The following FSTL3 variants were observed in gnomAD, a reference collection of about 807,000 sequenced individuals.
FSTL3 encodes follistatin-related protein 3.
FSTL3 carries 21 observed loss-of-function variants against 28.1 expected under a neutral mutation model. The observed-to-expected ratio is 0.75, with a 90% CI of 0.53 to 1.08. The LOEUF (loss-of-function observed/expected upper bound fraction) is 1.08. Among genes scored for constraint, FSTL3 ranks in the 50% least tolerant of loss-of-function variants. FSTL3 has a pLI of 0.00. For missense variants in FSTL3, 400 were observed against 380.9 expected (o/e 1.05, Z -0.42); for synonymous variants, 199 against 164.2 (o/e 1.21, Z -1.62).
In FSTL3 at chr19:682,638, G is replaced by C. The variant is rs2144802636; in HGVS notation, c.*930G>C. ...GGGAAAGGGCACGGCCTGTGCTCCT[G>C]ACACGGGCTGTGCTTGGCCACAGAA... On this transcript the variant is annotated 3_prime_UTR_variant, in exon 5 of 5. Coordinates refer to ENST00000166139, the MANE Select transcript of FSTL3 (RefSeq NM_005860.3). The C allele has an allele frequency of 4.3e-6, 1 of 233,526 alleles. No homozygotes were observed. 14.5% of individuals were successfully genotyped at this position (233,526 alleles called of 1,614,324 possible).
intron 2 of FSTL3, 61 bp from the exon 3 acceptor site, chr19:680,213 C>G: frequency 8.8e-7 from 1 of 1,142,130 alleles, no homozygotes; most frequent in Non-Finnish European, 1.1e-6. Context: ...GAGGCCTTCG[C>G]GCGGCCCCAC....
In FSTL3 at chr19:677,934, C is replaced by A. The variant is rs566357216; in HGVS notation, c.246C>A (p.Asn82Lys). Residue 82 changes from asparagine (N) to lysine (K), a missense_variant, in exon 2 of 5, where the codon AAC (asparagine) becomes AAA (lysine). Transcript: ENST00000166139. ...SNLTHPGNKI[N>K]LLGFLGLVHC... is the part of the protein sequence containing the mutation. Reference sequence around the variant, plus strand: ...TCACCCACCCGGGGAACAAGATCAACCTCCTCGGCTTCTTGGGCCTTGTCC... The same window carrying A: ...TCACCCACCCGGGGAACAAGATCAAACTCCTCGGCTTCTTGGGCCTTGTCC... The A allele has an allele frequency of 6.2e-7, 1 of 1,613,628 alleles. No homozygotes were observed. Among genetic ancestry groups the A allele is most frequent in the Non-Finnish European group, 8.5e-7 (1 of 1,180,006 alleles).
At chr19:678,950 A>C (rs891339113) in intron 2 of FSTL3, among the ~76,000 whole-genome samples, 1 of 152,098 alleles carries the variant, frequency 6.6e-6, no homozygotes, top group Non-Finnish European at 1.5e-5. Flanking sequence ...GGGTGGGGTC[A>C]GGCAGAGGAG....
At chr19:676,904 C>G (rs1333725118) in intron 1 of FSTL3, among the ~76,000 whole-genome samples, 1 of 151,796 alleles carries the variant, frequency 6.6e-6, no homozygotes, top group East Asian at 1.9e-4. Flanking sequence ...GTCCTGGTGC[C>G]GAGAGGTAGT....
intron 2 of FSTL3, among the ~76,000 whole-genome samples, chr19:678,482 C>T (rs1315102645): frequency 6.7e-5 from 10 of 149,458 alleles, no homozygotes; most frequent in South Asian, 4.3e-4. Flanking sequence ...TAAGATTCTC[C>T]GCACTGGAGG....
Position 676,448 on chromosome 19 carries a change from C to T in FSTL3, c.25C>T (p.Leu9Phe), listed in dbSNP as rs1399646563. The stretch of plus-strand genomic sequence containing the variant: ...CATGCGTCCCGGGGCGCCAGGGCCA[C>T]TCTGGCCTCTGCCCTGGGGGGCCCT... MRPGAPGP[L>F]WPLPWGALAW... The change falls in exon 1 of 5, where the codon CTC (leucine) becomes TTC (phenylalanine). Residue 9 changes from leucine (L) to phenylalanine (F), a missense_variant. Coordinates refer to ENST00000166139, the MANE Select transcript of FSTL3 (RefSeq NM_005860.3). 8.2e-7 allele frequency: 1 copy of T among 1,215,718 alleles called. No homozygotes were observed. The highest frequency in any genetic ancestry group is 1.0e-6 in the Non-Finnish European group (1 of 975,430). The allele number at this position is 1,215,718 out of a possible 1,614,324, so 75.3% of individuals were successfully genotyped here.
At position 682,828 on chromosome 19, in the gene FSTL3, C is replaced by T; in HGVS notation, c.*1120C>T. ...CGGGGACCACGGGCCACTGCTCACC[C>T]ACTGGCCCCGAGGGGGGTGTAGACG... On this transcript the variant is annotated 3_prime_UTR_variant, in exon 5 of 5. Coordinates refer to ENST00000166139, the MANE Select transcript of FSTL3 (RefSeq NM_005860.3). 1 of 233,044 alleles carries T rather than the reference C, an allele frequency of 4.3e-6. No homozygotes were observed. Among genetic ancestry groups the T allele is most frequent in the East Asian group, 6.0e-5 (1 of 16,562 alleles). The allele number at this position is 233,044 out of a possible 1,614,324, so 14.4% of individuals were successfully genotyped here.
At chr19:678,505 T>TG (rs1288111952) in intron 2 of FSTL3, among the ~76,000 whole-genome samples, 4 of 109,788 alleles carry the variant, frequency 3.6e-5, no homozygotes, top group Non-Finnish European at 7.5e-5. Flanking sequence ...GATGGTTTTT[T>TG]TTTTTTTTTT....
chr19:682,040 G>T lies in FSTL3; in HGVS notation c.*332G>T. 1 of 458,944 alleles carries T rather than the reference G, an allele frequency of 2.2e-6. No homozygotes were observed. 28.4% of individuals were successfully genotyped at this position (458,944 alleles called of 1,614,324 possible). On this transcript the variant is annotated 3_prime_UTR_variant, in exon 5 of 5. Transcript: ENST00000166139. ...TTTGGGGATAAACCTATTAATTATT[G>T]CTACTATCAAGAGGGCTGGGCATTC... is the stretch of plus-strand genomic sequence containing the variant.
At chr19:681,242 C>G (rs2031326593) in intron 3 of FSTL3, 91 bp from the exon 4 acceptor site, 1 of 906,940 alleles carries the variant, frequency 1.1e-6, no homozygotes, top group Non-Finnish European at 1.6e-6. Flanking sequence ...GTTTTCGCAT[C>G]TTGGGGGTTA....
rs777732142 is a variant in FSTL3 at position 677,919 on chromosome 19, G to A, written c.231G>A (p.Pro77=). 1.2e-5 allele frequency: 20 copies of A among 1,613,510 alleles called. No homozygotes were observed. The Admixed American group carries it at 2.0e-4, about 16-fold the overall frequency. The change falls in exon 2 of 5, where the codon CCG becomes CCA. Residue 77 remains proline (P), a synonymous_variant. Transcript: ENST00000166139. ...CCGCCTGGTCCAACCTCACCCACCC[G>A]GGGAACAAGATCAACCTCCTCGGCT... ...IDTAWSNLTH[P]GNKINLLGFL... is the part of the protein sequence containing the mutation.
chr19:678,464 C>T (rs1038622021), intron 2 of FSTL3, among the ~76,000 whole-genome samples: 10 of 145,792 alleles, frequency 6.9e-5, no homozygotes, highest in South Asian at 2.2e-4. Context: ...TGGCACAGAA[C>T]GAATGAATAA....
In FSTL3 at chr19:682,125, G is replaced by A. The variant is rs1195184158; in HGVS notation, c.*417G>A. ...TTCTCAGCCCCAAGCCTCTAGTCTG[G>A]GTGTGTACGGAGGGTCTAGCCTGGG... is the stretch of plus-strand genomic sequence containing the variant. On this transcript the variant is annotated 3_prime_UTR_variant, in exon 5 of 5. Coordinates refer to ENST00000166139, the MANE Select transcript of FSTL3 (RefSeq NM_005860.3). 2 of 388,132 alleles carry A rather than the reference G, an allele frequency of 5.2e-6. No individual in the cohort carries two copies. Among genetic ancestry groups the A allele is most frequent in the East Asian group, 8.5e-5 (2 of 23,444 alleles). The allele number at this position is 388,132 out of a possible 1,614,324, so 24.0% of individuals were successfully genotyped here. A position where few individuals can be genotyped will look rare whatever the true frequency, so the allele number is the denominator to read the frequency against.
chr19:681,780 G>A lies in FSTL3; in HGVS notation c.*72G>A, dbSNP rs1343986340. ...CCCTGTTATTTATTGCCACAGCAGA[G>A]TCTAATTTATATGCCACGGACACTC... On this transcript the variant is annotated 3_prime_UTR_variant, in exon 5 of 5. Coordinates refer to ENST00000166139, the MANE Select transcript of FSTL3 (RefSeq NM_005860.3). The A allele has an allele frequency of 2.3e-6, 3 of 1,322,892 alleles. No individual in the cohort carries two copies. Among genetic ancestry groups the A allele is most frequent in the South Asian group, 1.3e-5 (1 of 79,372 alleles). 81.9% of individuals were successfully genotyped at this position (1,322,892 alleles called of 1,614,324 possible). A position where few individuals can be genotyped will look rare whatever the true frequency, so the allele number is the denominator to read the frequency against.
Position 681,854 on chromosome 19 carries a change from G to T in FSTL3, c.*146G>T, listed in dbSNP as rs761012383. The T allele has an allele frequency of 4.6e-5, 34 of 742,040 alleles. No individual in the cohort carries two copies. The East Asian group carries it at 8.4e-4, about 18-fold the overall frequency. 46.0% of individuals were successfully genotyped at this position (742,040 alleles called of 1,614,324 possible). On this transcript the variant is annotated 3_prime_UTR_variant, in exon 5 of 5. Transcript: ENST00000166139. ...TTGGGGATCCCAGAACCTCCCTGAC[G>T]ATATCCTGGAAGGACTGAGGAAGGG...
Position 683,276 on chromosome 19 carries a change from T to A in FSTL3, c.*1568T>A. ...CTCCTCCAGCCCCCAGGCAGTGCCT[T>A]ACCTGTGGTGCCCAGAAAAGTGCCC... On this transcript the variant is annotated 3_prime_UTR_variant, in exon 5 of 5. Coordinates refer to ENST00000166139, the MANE Select transcript of FSTL3 (RefSeq NM_005860.3). The A allele has an allele frequency of 4.3e-6, 1 of 231,116 alleles. No homozygotes were observed. The highest frequency in any genetic ancestry group is 1.8e-4 in the South Asian group (1 of 5,516). The allele number at this position is 231,116 out of a possible 1,614,324, so 14.3% of individuals were successfully genotyped here.
chr19:676,625 G>T (rs1436263709), intron 1 of FSTL3, 99 bp downstream of exon 1: 6 of 341,934 alleles, frequency 1.8e-5, no homozygotes, highest in Non-Finnish European at 2.9e-5. Flanking sequence ...CGGCGGCGGC[G>T]GGGGCGAGGG....
In FSTL3 at chr19:680,390, G is replaced by A. The variant is rs1247769675; in HGVS notation, c.406G>A (p.Gly136Ser). ...SGLPARLQVC[G>S]SDGATYRDEC... ...GCTCCCGGCGCGGCTGCAGGTCTGCGGCTCAGACGGCGCCACCTACCGCGA... is the reference window on the plus strand; with the variant it reads ...GCTCCCGGCGCGGCTGCAGGTCTGCAGCTCAGACGGCGCCACCTACCGCGA... The change falls in exon 3 of 5, where the codon GGC becomes AGC. Residue 136 changes from glycine to serine, a missense_variant. Physicochemically the swap from Gly to Ser is moderately conservative, Grantham distance 56. Coordinates refer to ENST00000166139, the MANE Select transcript of FSTL3 (RefSeq NM_005860.3). 3 of 1,277,664 alleles carry A rather than the reference G, an allele frequency of 2.3e-6. No homozygotes were observed. Among genetic ancestry groups the A allele is most frequent in the Middle Eastern group, 3.0e-4 (1 of 3,348 alleles). 79.1% of individuals were successfully genotyped at this position (1,277,664 alleles called of 1,614,324 possible). A position where few individuals can be genotyped will look rare whatever the true frequency, so the allele number is the denominator to read the frequency against.
intron 2 of FSTL3, among the ~76,000 whole-genome samples, chr19:678,512 TTTTTTTTTTTTTTC>T (rs1177877357): frequency 3.4e-4 from 42 of 123,764 alleles, no homozygotes; most frequent in Admixed American, 2.3e-4. Flanking sequence ...TTTTTTTTTT[TTTTTTTTTTTTTTC>T]CTGAGATGGA....
Sources: allele counts gnomAD v4.1 joint callset (sites outside exome capture counted in the v4.1 genomes callset), GRCh38; gene constraint gnomAD v4.1.1; transcripts MANE v1.5; gene names NCBI Gene and HGNC (gene_info 2026-07-23, HGNC 2026-07-21).